Variants in CACNG3 observed in about 807,000 individuals in gnomAD.
CACNG3 encodes calcium voltage-gated channel auxiliary subunit gamma 3.
Under a neutral mutation model 28.5 loss-of-function variants are expected in CACNG3, and 3 were observed. That is an observed-to-expected ratio of 0.11 (90% CI 0.05 to 0.27). The LOEUF (loss-of-function observed/expected upper bound fraction) is 0.27, where lower values mean the gene tolerates loss of function less well. Ranked by LOEUF, CACNG3 falls within the 10% of genes least tolerant of loss-of-function variation. The pLI is 1.00. For synonymous variants in CACNG3, 174 were observed against 162.2 expected, an observed-to-expected ratio of 1.07 and a Z score of -0.55; for missense variants, 236 against 414.4, an observed-to-expected ratio of 0.57 and a Z score of 3.74.
intron 1 of CACNG3, among the ~76,000 whole-genome samples, chr16:24,281,115 A>C (rs72781831): frequency 6.6e-6 from 1 of 152,276 alleles, no homozygotes; most frequent in Non-Finnish European, 1.5e-5. Context: ...TGTTGACTCC[A>C]TTTCAGAGTA....
intron 1 of CACNG3, among the ~76,000 whole-genome samples, chr16:24,319,524 G>T (rs1360561543): frequency 6.6e-6 from 1 of 152,180 alleles, no homozygotes; most frequent in African/African-American, 2.4e-5. Context: ...TGTGATCATG[G>T]CTTACTGCAG....
chr16:24,306,714 T>C (rs1047500151), intron 1 of CACNG3, among the ~76,000 whole-genome samples: 13 of 152,198 alleles, frequency 8.5e-5, no homozygotes, highest in African/African-American at 3.1e-4. Context: ...GGCACAATAA[T>C]AATAACCTCT....
chr16:24,349,116 G>T (rs73556435), intron 2 of CACNG3, among the ~76,000 whole-genome samples: 1 of 152,242 alleles, frequency 6.6e-6, no homozygotes, highest in Non-Finnish European at 1.5e-5. Flanking sequence ...GCACATTCCT[G>T]CAGGGTTCTC....
At chr16:24,334,204 CCT>C (rs1371064013) in intron 1 of CACNG3, among the ~76,000 whole-genome samples, 4 of 152,284 alleles carry the variant, frequency 2.6e-5, no homozygotes, top group African/African-American at 9.6e-5. Flanking sequence ...TTCCTGTTGG[CCT>C]CTGTTTTGAG....
At chr16:24,296,753 G>A (rs1218143383) in intron 1 of CACNG3, among the ~76,000 whole-genome samples, 3 of 152,148 alleles carry the variant, frequency 2.0e-5, no homozygotes, top group Non-Finnish European at 4.4e-5. Flanking sequence ...GAGAAGAGAG[G>A]GGCTGCTTGA....
At chr16:24,310,632 A>G (rs942120852) in intron 1 of CACNG3, among the ~76,000 whole-genome samples, 1 of 152,144 alleles carries the variant, frequency 6.6e-6, no homozygotes, top group Non-Finnish European at 1.5e-5. Flanking sequence ...ATCATTTAAC[A>G]TATATTACCT....
chr16:24,348,473 C>T lies in CACNG3; in HGVS notation c.295+1656C>T, dbSNP rs577142966. The stretch of plus-strand genomic sequence containing the variant: ...AGCATTATTAGGTTAATTTATGCTA[C>T]TTGTGGCAAAAGCCAGCAATTTCAA... On this transcript the variant is annotated intron_variant, in intron 2 of 3. Coordinates refer to ENST00000005284, the MANE Select transcript of CACNG3 (RefSeq NM_006539.4). 2.6e-5 allele frequency among the ~76,000 whole-genome samples: 4 copies of T among 152,266 alleles called. No homozygotes were observed. In the South Asian group the frequency reaches 8.3e-4, roughly 32 times the overall value.
chr16:24,306,692 T>C lies in CACNG3; in HGVS notation c.212-40042T>C, dbSNP rs76882857. ...ACAGTTTGCATCGGGCAGGATACTC[T>C]GCACTATCCCAGGCACAATAATAAT... On this transcript the variant is annotated intron_variant, in intron 1 of 3. Coordinates refer to ENST00000005284, the MANE Select transcript of CACNG3 (RefSeq NM_006539.4). Among the ~76,000 whole-genome samples the C allele has an allele frequency of 7.9e-3, 1,208 of 152,224 alleles. 17 individuals carry two copies. The highest frequency in any genetic ancestry group is 0.027 in the African/African-American group (1,111 of 41,530).
Position 24,317,922 on chromosome 16 carries a change from C to T in CACNG3, c.212-28812C>T, listed in dbSNP as rs141960108. Reference sequence around the variant, plus strand: ...GAATTCCAGCCTCTGGGCCTGTGCACTTGCTGGTCACTCAGCCCAGATGCT... The same window carrying T: ...GAATTCCAGCCTCTGGGCCTGTGCATTTGCTGGTCACTCAGCCCAGATGCT... On this transcript the variant is annotated intron_variant, in intron 1 of 3. Coordinates refer to ENST00000005284, the MANE Select transcript of CACNG3 (RefSeq NM_006539.4). Among the ~76,000 whole-genome samples, 773 of 152,268 alleles carry T rather than the reference C, an allele frequency of 5.1e-3. 7 individuals are homozygous for T. The highest frequency in any genetic ancestry group is 0.018 in the African/African-American group (750 of 41,544).
chr16:24,275,975 T>C (rs562758280), intron 1 of CACNG3, among the ~76,000 whole-genome samples: 2 of 152,350 alleles, frequency 1.3e-5, no homozygotes, highest in Admixed American at 1.3e-4. Flanking sequence ...GCAACTAGCC[T>C]TTAAGGAACT....
chr16:24,337,251 C>T (rs559547484), intron 1 of CACNG3, among the ~76,000 whole-genome samples: 1 of 152,270 alleles, frequency 6.6e-6, no homozygotes, highest in East Asian at 1.9e-4. Context: ...TACCACACTA[C>T]CCCTCTAGAG....
chr16:24,339,190 G>C (rs1002794192), intron 1 of CACNG3, among the ~76,000 whole-genome samples: 1 of 152,070 alleles, frequency 6.6e-6, no homozygotes, highest in Non-Finnish European at 1.5e-5. Context: ...GTAATGGACT[G>C]TTTCTTGTTT....
intron 1 of CACNG3, among the ~76,000 whole-genome samples, chr16:24,305,259 G>A (rs1226969285): frequency 2.0e-5 from 3 of 151,824 alleles, no homozygotes; most frequent in African/African-American, 4.8e-5. Flanking sequence ...TTTTCTGTGA[G>A]CCTAAAACTG....
At chr16:24,350,316 C>CTT (rs111389260) in intron 2 of CACNG3, among the ~76,000 whole-genome samples, 9 of 143,044 alleles carry the variant, frequency 6.3e-5, no homozygotes, top group Non-Finnish European at 7.7e-5. Context: ...CAAACATAAA[C>CTT]TTTTTTTTTT....
At chr16:24,257,368 GGAGAGAGA>G (rs71154293) in intron 1 of CACNG3, among the ~76,000 whole-genome samples, 1,530 of 52,842 alleles carry the variant, frequency 0.029, 344 homozygotes, top group Admixed American at 0.04. Context: ...AAGTGAGGGG[GGAGAGAGA>G]GAGAGAGAGA....
chr16:24,297,234 CAGAATCCCATCTCTAAAAA>C (rs59206076), intron 1 of CACNG3, among the ~76,000 whole-genome samples: 1 of 151,388 alleles, frequency 6.6e-6, no homozygotes, highest in African/African-American at 2.4e-5. Flanking sequence ...AGCAGCAGAG[CAGAATCCCATCTCTAAAAA>C]TAAAATAAAA....
At chr16:24,276,722 C>T (rs1898757959) in intron 1 of CACNG3, among the ~76,000 whole-genome samples, 3 of 152,290 alleles carry the variant, frequency 2.0e-5, no homozygotes, top group East Asian at 1.9e-4. Flanking sequence ...TAAAATGCAA[C>T]CCTGCTGATA....
intron 1 of CACNG3, among the ~76,000 whole-genome samples, chr16:24,334,112 T>G (rs1434945776): frequency 6.6e-6 from 1 of 152,176 alleles, no homozygotes; most frequent in African/African-American, 2.4e-5. Context: ...ACAAATGATA[T>G]TTGCTCTTCC....
At chr16:24,269,494 G>A (rs1898655947) in intron 1 of CACNG3, among the ~76,000 whole-genome samples, 1 of 152,118 alleles carries the variant, frequency 6.6e-6, no homozygotes, top group South Asian at 2.1e-4. Context: ...GCTCACACCT[G>A]TGATCCCAGC....
Sources: gnomAD v4.1 joint callset for allele counts (sites outside exome capture counted in the v4.1 genomes callset) on GRCh38, gnomAD v4.1.1 for gene constraint, MANE v1.5 for transcripts, NCBI Gene and HGNC (gene_info 2026-07-23, HGNC 2026-07-21) for gene names.